Variants in PPP2R2C observed in about 807,000 individuals in gnomAD.
PPP2R2C encodes protein phosphatase 2, regulatory subunit B, gamma.
In PPP2R2C, 10 loss-of-function variants were observed where a neutral mutation model predicts 45.3. The observed-to-expected ratio is 0.22, with a 90% CI of 0.14 to 0.37. The LOEUF is 0.37. Among genes scored for constraint, PPP2R2C ranks in the 10% least tolerant of loss-of-function variants. The pLI, the probability that PPP2R2C is intolerant of heterozygous loss-of-function variation, is 1.00. For missense variants in PPP2R2C, 308 were observed against 619.7 expected (o/e 0.50, Z 5.34); for synonymous variants, 257 against 245.4 (o/e 1.05, Z -0.44).
intron 1 of PPP2R2C, among the ~76,000 whole-genome samples, chr4:6,414,712 G>A (rs1718451578): frequency 6.6e-6 from 1 of 152,040 alleles, no homozygotes; most frequent in South Asian, 2.1e-4. Flanking sequence ...GTATCCACGA[G>A]GCCCTGGGCT....
chr4:6,534,516 C>T (rs557486271), intron 2 of PPP2R2C, among the ~76,000 whole-genome samples: 1 of 151,902 alleles, frequency 6.6e-6, no homozygotes, highest in Non-Finnish European at 1.5e-5. Context: ...AGCACACATA[C>T]ATCAATAAAC....
chr4:6,551,269 T>G (rs1350310202), intron 1 of PPP2R2C, among the ~76,000 whole-genome samples: 1 of 152,222 alleles, frequency 6.6e-6, no homozygotes, highest in African/African-American at 2.4e-5. Flanking sequence ...GTATGTCACA[T>G]GCTCCTAATG....
intron 2 of PPP2R2C, among the ~76,000 whole-genome samples, chr4:6,495,779 G>A (rs921218491): frequency 6.6e-6 from 1 of 152,230 alleles, no homozygotes; most frequent in Admixed American, 6.5e-5. Context: ...AGTTTCTCCT[G>A]CTGGATAACT....
chr4:6,417,069 C>A (rs1478166754), intron 1 of PPP2R2C, among the ~76,000 whole-genome samples: 2 of 152,224 alleles, frequency 1.3e-5, no homozygotes, highest in Admixed American at 6.5e-5. Context: ...TGAACCTAAG[C>A]CAGGTCCTGC....
chr4:6,542,204 T>C (rs1336231273), intron 1 of PPP2R2C, among the ~76,000 whole-genome samples: 1 of 151,970 alleles, frequency 6.6e-6, no homozygotes, highest in Non-Finnish European at 1.5e-5. Flanking sequence ...CAATAACCCC[T>C]GGAGATCTGC....
intron 2 of PPP2R2C, among the ~76,000 whole-genome samples, chr4:6,501,742 TACTC>T (rs1485420973): frequency 2.6e-5 from 4 of 152,302 alleles, no homozygotes; most frequent in Admixed American, 2.0e-4. Flanking sequence ...GCCTTCCAGA[TACTC>T]ACTCTCTACC....
chr4:6,356,366 G>C (rs1308067051), intron 5 of PPP2R2C, among the ~76,000 whole-genome samples: 1 of 152,208 alleles, frequency 6.6e-6, no homozygotes, highest in East Asian at 1.9e-4. Flanking sequence ...TGGAAACAGA[G>C]GCTCGGCGAG....
At chr4:6,469,474 C>T (rs1721750582) in intron 1 of PPP2R2C, among the ~76,000 whole-genome samples, 1 of 152,154 alleles carries the variant, frequency 6.6e-6, no homozygotes, top group Non-Finnish European at 1.5e-5. Flanking sequence ...CACTGTTTGC[C>T]CACAGGCTCT....
At chr4:6,532,275 G>C (rs1724430300) in intron 2 of PPP2R2C, among the ~76,000 whole-genome samples, 1 of 152,256 alleles carries the variant, frequency 6.6e-6, no homozygotes, top group African/African-American at 2.4e-5. Context: ...TGAAGGCTCA[G>C]AGAGGGTGAG....
chr4:6,350,102 C>T, intron 5 of PPP2R2C: 1 of 985,416 alleles, frequency 1.0e-6, no homozygotes, highest in Non-Finnish European at 1.2e-6. Context: ...TAAGGCATCA[C>T]TGCCTGGCTG....
chr4:6,557,748 A>C (rs1331907342), intron 1 of PPP2R2C, among the ~76,000 whole-genome samples: 1 of 152,182 alleles, frequency 6.6e-6, no homozygotes, highest in Non-Finnish European at 1.5e-5. Flanking sequence ...AGAGGAGACA[A>C]TGGCTTGACC....
At chr4:6,533,987 C>G (rs1724493459) in intron 2 of PPP2R2C, among the ~76,000 whole-genome samples, 1 of 150,216 alleles carries the variant, frequency 6.7e-6, no homozygotes, top group Non-Finnish European at 1.5e-5. Context: ...ACACATACCC[C>G]AAACACACAC....
intron 1 of PPP2R2C, among the ~76,000 whole-genome samples, chr4:6,440,575 G>C (rs1012281563): frequency 6.6e-6 from 1 of 152,184 alleles, no homozygotes; most frequent in African/African-American, 2.4e-5. Context: ...CAGCAGGCTG[G>C]TCTCTGGACC....
At chr4:6,520,226 G>A (rs1723971774) in intron 2 of PPP2R2C, among the ~76,000 whole-genome samples, 1 of 152,150 alleles carries the variant, frequency 6.6e-6, no homozygotes, top group South Asian at 2.1e-4. Context: ...GGTGGGAGAT[G>A]TGCAGAGGAG....
Position 6,378,550 on chromosome 4 carries a change from T to G in PPP2R2C, c.191A>C (p.Gln64Pro). 1 of 1,613,904 alleles carries G rather than the reference T, an allele frequency of 6.2e-7. No homozygotes were observed. Among genetic ancestry groups the G allele is most frequent in the Non-Finnish European group, 8.5e-7 (1 of 1,179,872 alleles). ...AGTGCTGTACACGTCGTATTCGCCCTGGCTGTGGGGCGCATTTTTACTCTG... is the reference window on the plus strand; with the variant it reads ...AGTGCTGTACACGTCGTATTCGCCCGGGCTGTGGGGCGCATTTTTACTCTG... ...EPESKNAPHSQGEYDVYSTFQ... is the reference protein window; with the variant it reads ...EPESKNAPHSPGEYDVYSTFQ... Residue 64 changes from glutamine to proline, a missense_variant, in exon 3 of 9, where the codon CAG (glutamine) becomes CCG (proline). By Grantham distance (76) the Gln-to-Pro change is moderately conservative (BLOSUM62 -1). Transcript: ENST00000382599. This position sits in a 1 kb window ranked among gnomAD's most constrained non-coding sequence, Gnocchi z 5.2.
rs1336797398 is a variant in PPP2R2C at position 6,563,353 on chromosome 4, C to G, written c.-59+207G>C. Among the ~76,000 whole-genome samples, 1 of 152,216 alleles carries G rather than the reference C, an allele frequency of 6.6e-6. No homozygotes were observed. Among genetic ancestry groups the G allele is most frequent in the African/African-American group, 2.4e-5 (1 of 41,476 alleles). On this transcript the variant is annotated intron_variant, in intron 1 of 9. Transcript: ENST00000506140. This position sits in a 1 kb window ranked among gnomAD's most constrained non-coding sequence, Gnocchi z 5.8. ...GGACCCTAGCAGAGCCAGCCCTGCCCCAGGACCGCCCCGGGGTCGGTGCCC... is the reference window on the plus strand; with the variant it reads ...GGACCCTAGCAGAGCCAGCCCTGCCGCAGGACCGCCCCGGGGTCGGTGCCC...
At chr4:6,424,543 G>A (rs1370989392) in intron 1 of PPP2R2C, among the ~76,000 whole-genome samples, 1 of 152,198 alleles carries the variant, frequency 6.6e-6, no homozygotes, top group Non-Finnish European at 1.5e-5. Context: ...GGGGAGACCT[G>A]TGGATACACA....
intron 5 of PPP2R2C, among the ~76,000 whole-genome samples, chr4:6,354,002 G>A (rs969551671): frequency 1.6e-5 from 2 of 128,256 alleles, no homozygotes; most frequent in African/African-American, 6.1e-5. Flanking sequence ...CCAGCCCTGG[G>A]GCACCAAGCC....
At chr4:6,389,963 G>A (rs1198434008) in intron 1 of PPP2R2C, among the ~76,000 whole-genome samples, 1 of 152,092 alleles carries the variant, frequency 6.6e-6, no homozygotes, top group Non-Finnish European at 1.5e-5. Flanking sequence ...CTGAGGAGTT[G>A]GTGAAGGAGA....
Sources: allele counts gnomAD v4.1 joint callset (sites outside exome capture counted in the v4.1 genomes callset), GRCh38; gene constraint gnomAD v4.1.1; non-coding constraint Gnocchi (gnomAD v3.1); transcripts MANE v1.5; gene names NCBI Gene and HGNC (gene_info 2026-07-23, HGNC 2026-07-21).